The following SUFU variants were observed in gnomAD, a reference collection of about 807,000 sequenced individuals.
The protein encoded by SUFU is suppressor of fused homolog.
SUFU carries 7 observed loss-of-function variants against 58.9 expected under a neutral mutation model. The ratio of observed to expected loss-of-function variants is 0.12; its 90% CI spans 0.07 to 0.22. The LOEUF (loss-of-function observed/expected upper bound fraction) is 0.22, where lower values mean the gene tolerates loss of function less well. SUFU is among the 10% of genes least tolerant of loss of function. The pLI, the probability that SUFU is intolerant of heterozygous loss-of-function variation, is 1.00. For missense variants in SUFU, 451 were observed against 641.3 expected, an observed-to-expected ratio of 0.70 and a Z score of 3.20; for synonymous variants, 232 against 254.8, an observed-to-expected ratio of 0.91 and a Z score of 0.85.
rs544827479 is a variant in SUFU, at chr10:102,619,110, C to A, written c.1296+1682C>A. 6.8e-6 allele frequency: 11 copies of A among 1,612,794 alleles called. No homozygotes were observed. In the East Asian group the frequency reaches 2.2e-4, roughly 33 times the overall value. On this transcript the variant is annotated intron_variant, in intron 10 of 11. Transcript: ENST00000369902. The surrounding 1 kb of genome is among the most constrained non-coding windows in gnomAD (Gnocchi z 4.2). ...GCTCTGCCCTCCCGTCCTGGAACGT[C>A]TTTCTGCCCTGAGGAGAGGGTAGTC...
intron 3 of SUFU, among the ~76,000 whole-genome samples, chr10:102,582,099 C>T (rs1048953346): frequency 6.6e-6 from 1 of 152,166 alleles, no homozygotes; most frequent in African/African-American, 2.4e-5. Context: ...CAGAAGAGCA[C>T]CTGGAGAAAA....
At chr10:102,535,957 T>TGAC (rs1417147802) in intron 2 of SUFU, among the ~76,000 whole-genome samples, 8 of 151,454 alleles carry the variant, frequency 5.3e-5, no homozygotes, top group Non-Finnish European at 1.2e-4. Context: ...ATGATGATGA[T>TGAC]GATGATGATG....
rs1358458637 is a variant in SUFU, at chr10:102,504,006, G to T, written c.-147G>T. The stretch of plus-strand genomic sequence containing the variant: ...GGCGGCGACAGCCTGGGCGGACAGT[G>T]CGCCGTGCGCAGGCGCGGAGCTAGA... On this transcript the variant is annotated 5_prime_UTR_variant, in exon 1 of 12. Transcript: ENST00000369902. 20 of 1,159,676 alleles carry T rather than the reference G, an allele frequency of 1.7e-5. No homozygotes were observed. Among genetic ancestry groups the T allele is most frequent in the Non-Finnish European group, 2.2e-5 (19 of 875,744 alleles). The allele number at this position is 1,159,676 out of a possible 1,614,324, so 71.8% of individuals were successfully genotyped here.
At chr10:102,597,093 C>T (rs1474078131) in intron 6 of SUFU, 47 bp from the exon 7 acceptor site, 1 of 1,611,026 alleles carries the variant, frequency 6.2e-7, no homozygotes, top group Non-Finnish European at 8.5e-7. Context: ...CACCTTGGGT[C>T]ACCAGTTCTC....
chr10:102,604,920 CTTTT>C (rs769490548), intron 8 of SUFU, among the ~76,000 whole-genome samples: 6 of 86,418 alleles, frequency 6.9e-5, no homozygotes, highest in African/African-American at 4.7e-5. Context: ...AAAATATTGC[CTTTT>C]TTTTTTTTTT....
At chr10:102,573,110 T>G in intron 3 of SUFU, 1 of 777,544 alleles carries the variant, frequency 1.3e-6, no homozygotes, top group Middle Eastern at 2.6e-4. Flanking sequence ...CGTGCGGATC[T>G]TCTTTTTTTT....
At chr10:102,552,329 AG>A (rs59059318) in intron 3 of SUFU, among the ~76,000 whole-genome samples, 9,112 of 152,118 alleles carry the variant, frequency 0.06, 348 homozygotes, top group East Asian at 0.095. Context: ...GCTACTTGGG[AG>A]GCTGAGGTAG....
At chr10:102,581,180 C>CAAAAAAAA (rs71016393) in intron 3 of SUFU, among the ~76,000 whole-genome samples, 8 of 75,678 alleles carry the variant, frequency 1.1e-4, no homozygotes, top group East Asian at 3.2e-4. Flanking sequence ...ACTCTGTCTC[C>CAAAAAAAA]AAAAAAAAAA....
chr10:102,575,725 C>T (rs962408779), intron 3 of SUFU, among the ~76,000 whole-genome samples: 1 of 152,218 alleles, frequency 6.6e-6, no homozygotes, highest in Non-Finnish European at 1.5e-5. Context: ...ATTAGTGCCA[C>T]TGCATTTGGA....
At chr10:102,532,011 G>A (rs2062682902) in intron 2 of SUFU, among the ~76,000 whole-genome samples, 1 of 151,678 alleles carries the variant, frequency 6.6e-6, no homozygotes, top group Admixed American at 6.6e-5. Flanking sequence ...CTGGAGTGCA[G>A]TGGCATAGTG....
At chr10:102,603,364 T>A (rs1799043211) in intron 8 of SUFU, among the ~76,000 whole-genome samples, 1 of 152,132 alleles carries the variant, frequency 6.6e-6, no homozygotes, top group African/African-American at 2.4e-5. Flanking sequence ...GCTGGGAACC[T>A]GCACCAGTAT....
At chr10:102,555,321 C>CAAAAAAAAAAA (rs2062964301) in intron 3 of SUFU, among the ~76,000 whole-genome samples, 1 of 124,086 alleles carries the variant, frequency 8.1e-6, no homozygotes. Flanking sequence ...ACACCTTGGT[C>CAAAAAAAAAAA]TTTTTTTTTT....
Position 102,619,453 on chromosome 10 carries a change from G to A in SUFU, c.1296+2025G>A. 7.7e-7 allele frequency: 1 copy of A among 1,290,618 alleles called. No individual in the cohort carries two copies. The highest frequency in any genetic ancestry group is 3.3e-5 in the East Asian group (1 of 30,456). The allele number at this position is 1,290,618 out of a possible 1,614,324, so 79.9% of individuals were successfully genotyped here. ...TGTTTCAATAAAGTTGCTGTGCTGG[G>A]AGCTACTCAATCAAAGGCCTGTGTT... is the stretch of plus-strand genomic sequence containing the variant. On this transcript the variant is annotated intron_variant, in intron 10 of 11. Coordinates refer to ENST00000369902, the MANE Select transcript of SUFU (RefSeq NM_016169.4). The surrounding 1 kb of genome is among the most constrained non-coding windows in gnomAD (Gnocchi z 4.2).
At chr10:102,565,265 G>C (rs1309270924) in intron 3 of SUFU, among the ~76,000 whole-genome samples, 1 of 152,208 alleles carries the variant, frequency 6.6e-6, no homozygotes, top group African/African-American at 2.4e-5. Flanking sequence ...AACTGACTTA[G>C]AGAATGTTTT....
chr10:102,512,450 T>C (rs1490127040), intron 2 of SUFU, among the ~76,000 whole-genome samples: 1 of 152,258 alleles, frequency 6.6e-6, no homozygotes, highest in Admixed American at 6.5e-5. Context: ...CTGCTAGGTA[T>C]AGGCCCAAGG....
intron 2 of SUFU, among the ~76,000 whole-genome samples, chr10:102,516,546 A>T (rs986198470): frequency 6.6e-6 from 1 of 151,406 alleles, no homozygotes; most frequent in Non-Finnish European, 1.5e-5. Context: ...TGGCCCAGTT[A>T]AACTCAATTT....
intron 4 of SUFU, among the ~76,000 whole-genome samples, chr10:102,593,364 C>T (rs948091371): frequency 6.6e-6 from 1 of 152,192 alleles, no homozygotes; most frequent in African/African-American, 2.4e-5. Flanking sequence ...CCTTGGTTTT[C>T]TCCTTTGTAG....
At chr10:102,506,631 G>A (rs764011003) in intron 1 of SUFU, among the ~76,000 whole-genome samples, 3 of 152,072 alleles carry the variant, frequency 2.0e-5, no homozygotes, top group African/African-American at 7.2e-5. Context: ...AACCCACCTC[G>A]GCCTCCCAAA....
chr10:102,502,873 A>C (rs1272060664), upstream of SUFU, among the ~76,000 whole-genome samples: 7 of 152,242 alleles, frequency 4.6e-5, no homozygotes, highest in Admixed American at 4.6e-4. Flanking sequence ...TCCAATGCGC[A>C]GTACCCTGGG....
Sources: gnomAD v4.1 joint callset for allele counts (sites outside exome capture counted in the v4.1 genomes callset) on GRCh38, gnomAD v4.1.1 for gene constraint, Gnocchi (gnomAD v3.1) non-coding constraint, MANE v1.5 for transcripts, NCBI Gene and HGNC (gene_info 2026-07-23, HGNC 2026-07-21) for gene names.